The following NRXN1 variants were observed in gnomAD, a reference collection of about 807,000 sequenced individuals.
The protein encoded by NRXN1 is neurexin-1.
In NRXN1, 39 loss-of-function variants were observed where a neutral mutation model predicts 150.9. The observed-to-expected ratio is 0.26, with a 90% confidence interval of 0.20 to 0.34. The LOEUF is 0.34. NRXN1 is among the 10% of genes least tolerant of loss of function. NRXN1 has a pLI of 1.00. For synonymous variants in NRXN1, 924 were observed against 757.0 expected (o/e 1.22, Z -3.62); for missense variants, 1,815 against 1,949.9 (o/e 0.93, Z 1.30).
intron 21 of NRXN1, among the ~76,000 whole-genome samples, chr2:50,049,064 A>T (rs1692281684): frequency 6.6e-6 from 1 of 152,212 alleles, no homozygotes; most frequent in Admixed American, 6.6e-5. Flanking sequence ...AGAACAGGAC[A>T]TAATATGTAT....
intron 5 of NRXN1, among the ~76,000 whole-genome samples, chr2:50,640,316 A>T (rs1031703768): frequency 1.6e-4 from 24 of 152,142 alleles, no homozygotes; most frequent in African/African-American, 5.5e-4. Context: ...TGGCTCTATA[A>T]CTGTATAAAC....
At chr2:50,938,142 TG>T (rs1341485074) in intron 2 of NRXN1, among the ~76,000 whole-genome samples, 4 of 152,176 alleles carry the variant, frequency 2.6e-5, no homozygotes, top group African/African-American at 9.7e-5. Context: ...AAAGTTACTC[TG>T]GGCAAGTCAG....
intron 10 of NRXN1, among the ~76,000 whole-genome samples, chr2:50,535,957 A>T (rs1414764203): frequency 6.6e-6 from 1 of 152,118 alleles, no homozygotes; most frequent in East Asian, 1.9e-4. Flanking sequence ...AAGTTCTCTT[A>T]AAAAAAGAAA....
At chr2:50,914,286 A>C (rs1684919235) in intron 5 of NRXN1, among the ~76,000 whole-genome samples, 2 of 151,662 alleles carry the variant, frequency 1.3e-5, no homozygotes, top group African/African-American at 4.8e-5. Context: ...AGAATGAATC[A>C]ATTTATATTT....
At chr2:50,562,009 A>C (rs1488160101) in intron 8 of NRXN1, among the ~76,000 whole-genome samples, 1 of 152,200 alleles carries the variant, frequency 6.6e-6, no homozygotes, top group Non-Finnish European at 1.5e-5. Flanking sequence ...TATCCAAAAA[A>C]CTTTTCAATC....
rs57580154 is a variant in NRXN1 at position 50,026,859 on chromosome 2, C to CTTTTTTTTTT, written c.4128+26402_4128+26411dup. On this transcript the variant is annotated intron_variant, in intron 21 of 22. Coordinates refer to ENST00000401669, the MANE Select transcript of NRXN1 (RefSeq NM_001330078.2). The stretch of plus-strand genomic sequence containing the variant: ...TTGCATTGTTTAAGTCTTTTCTTTT[C>CTTTTTTTTTT]TTTTTTTTTTTTTTTTTTTTTTTTT... 8.6e-3 allele frequency among the ~76,000 whole-genome samples: 559 copies of CTTTTTTTTTT among 65,224 alleles called. 137 individuals are homozygous for CTTTTTTTTTT. Among genetic ancestry groups the CTTTTTTTTTT allele is most frequent in the Non-Finnish European group, 0.01 (387 of 37,408 alleles). 42.8% of individuals were successfully genotyped at this position (65,224 alleles called of 152,430 possible).
Position 50,228,522 on chromosome 2 carries a change from A to G in NRXN1, c.3546+8267T>C, listed in dbSNP as rs375546470. Among the ~76,000 whole-genome samples, 54 of 152,098 alleles carry G rather than the reference A, an allele frequency of 3.6e-4. 1 individual carries two copies. Among genetic ancestry groups the G allele is most frequent in the African/African-American group, 1.3e-3 (53 of 41,534 alleles). ...TCGCCTGTGAGACACCCAGGTAGAGATGCTGAGTAAGCAGTTGGAAATATT... is the reference window on the plus strand; with the variant it reads ...TCGCCTGTGAGACACCCAGGTAGAGGTGCTGAGTAAGCAGTTGGAAATATT... On this transcript the variant is annotated intron_variant, in intron 18 of 22. Transcript: ENST00000401669.
At chr2:50,468,142 A>G (rs897074552) in intron 16 of NRXN1, among the ~76,000 whole-genome samples, 1 of 151,676 alleles carries the variant, frequency 6.6e-6, no homozygotes, top group African/African-American at 2.4e-5. Flanking sequence ...ACAGCAGAAG[A>G]AAAGGTCAGA....
chr2:50,697,379 T>C (rs1693064476), intron 5 of NRXN1, among the ~76,000 whole-genome samples: 1 of 152,132 alleles, frequency 6.6e-6, no homozygotes, highest in African/African-American at 2.4e-5. Context: ...GTGACAAAAG[T>C]TGGAAAGAGT....
intron 5 of NRXN1, among the ~76,000 whole-genome samples, chr2:50,663,386 G>C (rs1258647787): frequency 5.3e-5 from 8 of 151,918 alleles, no homozygotes; most frequent in Non-Finnish European, 1.5e-5. Context: ...ATTGGTTTTT[G>C]TTTGAGCTTC....
chr2:50,218,776 C>G (rs1374798871), intron 18 of NRXN1, among the ~76,000 whole-genome samples: 2 of 151,834 alleles, frequency 1.3e-5, no homozygotes, highest in East Asian at 3.9e-4. Context: ...GGTCCTGAAA[C>G]TTATCTGAGA....
intron 5 of NRXN1, among the ~76,000 whole-genome samples, chr2:50,797,133 T>A (rs1179106817): frequency 6.6e-6 from 1 of 152,194 alleles, no homozygotes; most frequent in Non-Finnish European, 1.5e-5. Context: ...TAGGTTCCAG[T>A]ATATGAATTT....
At chr2:50,738,398 C>T (rs1699027653) in intron 5 of NRXN1, among the ~76,000 whole-genome samples, 1 of 152,176 alleles carries the variant, frequency 6.6e-6, no homozygotes, top group Non-Finnish European at 1.5e-5. Flanking sequence ...AGATCTGTGA[C>T]TGCCTTTAAA....
At chr2:50,540,533 G>A (rs1361979491) in intron 9 of NRXN1, among the ~76,000 whole-genome samples, 1 of 152,190 alleles carries the variant, frequency 6.6e-6, no homozygotes, top group Non-Finnish European at 1.5e-5. Context: ...ATCCTCTGCA[G>A]TAGCTAATGA....
chr2:50,546,476 C>G (rs761189012), intron 9 of NRXN1, among the ~76,000 whole-genome samples: 1 of 152,046 alleles, frequency 6.6e-6, no homozygotes, highest in Non-Finnish European at 1.5e-5. Context: ...ATAAATTTTG[C>G]TACTTAGATG....
intron 17 of NRXN1, among the ~76,000 whole-genome samples, chr2:50,455,163 G>T (rs979115446): frequency 6.6e-6 from 1 of 152,154 alleles, no homozygotes; most frequent in African/African-American, 2.4e-5. Flanking sequence ...CTTAAATGTG[G>T]AAAGAATAAA....
chr2:50,606,817 T>C (rs1559009753), intron 8 of NRXN1, among the ~76,000 whole-genome samples: 1 of 152,106 alleles, frequency 6.6e-6, no homozygotes, highest in African/African-American at 2.4e-5. Flanking sequence ...AAGTAATACT[T>C]AAAGAAAAAC....
intron 5 of NRXN1, among the ~76,000 whole-genome samples, chr2:50,712,438 G>C (rs975276039): frequency 1.3e-5 from 2 of 152,086 alleles, no homozygotes; most frequent in Non-Finnish European, 2.9e-5. Context: ...CAGTGTAATA[G>C]CAGCTCAGAC....
intron 18 of NRXN1, among the ~76,000 whole-genome samples, chr2:50,134,953 G>C (rs1322431111): frequency 6.6e-6 from 1 of 152,146 alleles, no homozygotes; most frequent in Non-Finnish European, 1.5e-5. Flanking sequence ...ACAGATAGCA[G>C]TTCACCCCTC....
Sources: allele counts gnomAD v4.1 joint callset (sites outside exome capture counted in the v4.1 genomes callset), GRCh38; gene constraint gnomAD v4.1.1; transcripts MANE v1.5; gene names NCBI Gene and HGNC (gene_info 2026-07-23, HGNC 2026-07-21).